FGGY: variants seen among roughly 807,000 people sequenced by gnomAD.
The protein encoded by FGGY is FGGY carbohydrate kinase domain-containing protein.
In FGGY, 72 loss-of-function variants were observed where a neutral mutation model predicts 71.3. The observed-to-expected ratio is 1.01, with a 90% CI of 0.84 to 1.23. The LOEUF (loss-of-function observed/expected upper bound fraction) is 1.23. FGGY is among the 50% of genes most tolerant of loss of function. FGGY has a pLI of 0.00. For synonymous variants in FGGY, 251 were observed against 250.3 expected (o/e 1.00, Z -0.02); for missense variants, 668 against 682.3 (o/e 0.98, Z 0.23).
chr1:59,743,561 G>T (rs968256625), intron 14 of FGGY, among the ~76,000 whole-genome samples: 1 of 151,552 alleles, frequency 6.6e-6, no homozygotes, highest in Non-Finnish European at 1.5e-5. Context: ...CAGAGCCCAG[G>T]CTAAGATTAA....
intron 1 of FGGY, among the ~76,000 whole-genome samples, chr1:59,301,824 C>T (rs2042792418): frequency 6.8e-6 from 1 of 147,486 alleles, no homozygotes. Context: ...AGCGATTCTC[C>T]TGCCTCAGCT....
intron 5 of FGGY, among the ~76,000 whole-genome samples, chr1:59,402,814 C>T (rs17119398): frequency 2.6e-5 from 4 of 151,870 alleles, no homozygotes; most frequent in East Asian, 3.9e-4. Flanking sequence ...TTTGGCAAAA[C>T]GAAGTAAGAA....
intron 11 of FGGY, among the ~76,000 whole-genome samples, chr1:59,640,724 T>G (rs2097016347): frequency 6.6e-6 from 1 of 151,080 alleles, no homozygotes; most frequent in South Asian, 2.1e-4. Context: ...AAGAATTTAA[T>G]AATACCAAAT....
intron 8 of FGGY, among the ~76,000 whole-genome samples, chr1:59,589,276 G>C (rs1351064193): frequency 1.3e-5 from 2 of 152,190 alleles, no homozygotes; most frequent in African/African-American, 4.8e-5. Context: ...GGAGCACGCA[G>C]TTTCATAATG....
chr1:59,378,758 G>A lies in FGGY; in HGVS notation c.475G>A (p.Glu159Lys). The part of the protein sequence containing the change: ...KLLWLKENLR[E>K]ICWDKAGHFF... The stretch of plus-strand genomic sequence containing the variant: ...ATATTTAATTTGGCAGAACTTGAGA[G>A]AGATTTGCTGGGATAAGGCGGGACA... Residue 159 changes from glutamate (E) to lysine (K), a missense_variant, in exon 5 of 16, where the codon GAG (glutamate) becomes AAG (lysine). Coordinates refer to ENST00000303721, the MANE Select transcript of FGGY (RefSeq NM_018291.5). 6.2e-7 allele frequency: 1 copy of A among 1,613,324 alleles called. No individual in the cohort carries two copies. Among genetic ancestry groups the A allele is most frequent in the Admixed American group, 1.7e-5 (1 of 59,912 alleles).
chr1:59,525,530 C>T (rs1183489749), intron 7 of FGGY, among the ~76,000 whole-genome samples: 1 of 152,170 alleles, frequency 6.6e-6, no homozygotes, highest in East Asian at 1.9e-4. Context: ...TTGTAAAGCA[C>T]TTAGAATAAT....
At chr1:59,336,940 G>A (rs1415329557) in intron 2 of FGGY, among the ~76,000 whole-genome samples, 1 of 148,598 alleles carries the variant, frequency 6.7e-6, no homozygotes, top group African/African-American at 2.6e-5. Flanking sequence ...ATTCCTGAAT[G>A]TATTTGTCAG....
intron 11 of FGGY, among the ~76,000 whole-genome samples, chr1:59,648,080 A>G (rs2097115656): frequency 9.7e-6 from 1 of 103,028 alleles, no homozygotes; most frequent in Non-Finnish European, 1.9e-5. Flanking sequence ...ACATGAACTC[A>G]TCATTTTTTA....
intron 14 of FGGY, chr1:59,681,095 A>G (rs1191531941): frequency 2.0e-5 from 3 of 152,200 alleles, no homozygotes; most frequent in Non-Finnish European, 4.4e-5. Context: ...GCTTTTAATC[A>G]TAATATATGC....
At chr1:59,539,498 T>C (rs1194099495) in intron 7 of FGGY, among the ~76,000 whole-genome samples, 2 of 152,190 alleles carry the variant, frequency 1.3e-5, no homozygotes, top group Non-Finnish European at 2.9e-5. Context: ...TTGCCAGAGC[T>C]GTAAGGAAGC....
chr1:59,628,191 CAAGTGATGA>C (rs2096877045), intron 10 of FGGY, among the ~76,000 whole-genome samples: 1 of 152,108 alleles, frequency 6.6e-6, no homozygotes, highest in Non-Finnish European at 1.5e-5. Context: ...CCACCTTACC[CAAGTGATGA>C]AAGTAAACAA....
chr1:59,408,654 T>G (rs1438498442), intron 5 of FGGY, among the ~76,000 whole-genome samples: 1 of 152,204 alleles, frequency 6.6e-6, no homozygotes, highest in Non-Finnish European at 1.5e-5. Flanking sequence ...TTAATTTTCT[T>G]AAAGTCTGTA....
chr1:59,396,606 A>G (rs1001520355), intron 5 of FGGY, among the ~76,000 whole-genome samples: 4 of 152,178 alleles, frequency 2.6e-5, no homozygotes, highest in Middle Eastern at 3.2e-3. Context: ...AAGTGGCCTC[A>G]GGTCCTTTGG....
intron 1 of FGGY, among the ~76,000 whole-genome samples, chr1:59,304,240 G>A (rs2043145973): frequency 6.6e-6 from 1 of 151,994 alleles, no homozygotes. Context: ...AATCCATTTT[G>A]AGTTGATTTT....
At chr1:59,333,041 T>G (rs1057380632) in intron 2 of FGGY, among the ~76,000 whole-genome samples, 2 of 152,224 alleles carry the variant, frequency 1.3e-5, no homozygotes, top group South Asian at 2.1e-4. Flanking sequence ...CTCAGGAAAC[T>G]GAGGCTCAGA....
intron 7 of FGGY, among the ~76,000 whole-genome samples, chr1:59,538,437 G>A (rs909613041): frequency 3.3e-5 from 5 of 151,772 alleles, no homozygotes; most frequent in African/African-American, 1.2e-4. Context: ...TCAGCGTGGC[G>A]ATTCCTCAGG....
chr1:59,589,763 G>C (rs2096391156), intron 8 of FGGY, among the ~76,000 whole-genome samples: 2 of 152,080 alleles, frequency 1.3e-5, no homozygotes, highest in Non-Finnish European at 2.9e-5. Flanking sequence ...CAACATACCA[G>C]AATCTCTGGG....
chr1:59,728,469 C>G (rs1316912781), intron 14 of FGGY, among the ~76,000 whole-genome samples: 1 of 151,410 alleles, frequency 6.6e-6, no homozygotes, highest in Non-Finnish European at 1.5e-5. Flanking sequence ...TATCATTTAC[C>G]TTCATTTATT....
chr1:59,712,051 G>A (rs900754816), intron 14 of FGGY, among the ~76,000 whole-genome samples: 4 of 152,140 alleles, frequency 2.6e-5, no homozygotes, highest in Non-Finnish European at 1.5e-5. Flanking sequence ...AAAATCAAAA[G>A]CAAGTTAGTT....
Sources: allele counts gnomAD v4.1 joint callset (sites outside exome capture counted in the v4.1 genomes callset), GRCh38; gene constraint gnomAD v4.1.1; transcripts MANE v1.5; gene names NCBI Gene and HGNC (gene_info 2026-07-23, HGNC 2026-07-21).